STN1: variants seen among roughly 807,000 people sequenced by gnomAD.
The protein encoded by STN1 is CST complex subunit STN1.
STN1 carries 29 observed loss-of-function variants against 45.5 expected under a neutral mutation model. The ratio of observed to expected loss-of-function variants is 0.64; its 90% CI spans 0.47 to 0.87. The LOEUF (loss-of-function observed/expected upper bound fraction) is 0.87, where lower values mean the gene tolerates loss of function less well. Among genes scored for constraint, STN1 ranks in the 40% least tolerant of loss-of-function variants. STN1 has a pLI of 0.00. For missense variants in STN1, 376 were observed against 441.4 expected, an observed-to-expected ratio of 0.85 and a Z score of 1.33; for synonymous variants, 148 against 159.0, an observed-to-expected ratio of 0.93 and a Z score of 0.52.
At chr10:103,913,143 GTA>G (rs1213564834) in intron 2 of STN1, among the ~76,000 whole-genome samples, 1 of 152,216 alleles carries the variant, frequency 6.6e-6, no homozygotes, top group Non-Finnish European at 1.5e-5. Flanking sequence ...GGAACAAAAG[GTA>G]TTCTTCCTGG....
At chr10:103,904,112 A>G (rs550424336) in intron 4 of STN1, among the ~76,000 whole-genome samples, 9 of 152,330 alleles carry the variant, frequency 5.9e-5, no homozygotes, top group Admixed American at 2.6e-4. Context: ...AGATATTCTT[A>G]CCATACATAA....
rs541774448 is a variant in STN1 at position 103,881,376 on chromosome 10, G to T, written c.*1308C>A. On this transcript the variant is annotated 3_prime_UTR_variant, in exon 10 of 10. Transcript: ENST00000224950. ...CAGCTGCTGACCTCAAGGAAGAACT[G>T]CCCAGGACATCATTCCAGGCAGACT... 1.6e-4 allele frequency among the ~76,000 whole-genome samples: 24 copies of T among 152,272 alleles called. No individual in the cohort carries two copies. The highest frequency in any genetic ancestry group is 3.2e-4 in the Non-Finnish European group (22 of 68,016).
intron 4 of STN1, among the ~76,000 whole-genome samples, chr10:103,901,916 T>G (rs1589500417): frequency 6.6e-6 from 1 of 152,332 alleles, no homozygotes; most frequent in South Asian, 2.1e-4. Context: ...TACACCAGCT[T>G]CAGTCATTTG....
At chr10:103,901,509 G>C (rs1843210037) in intron 4 of STN1, among the ~76,000 whole-genome samples, 1 of 152,102 alleles carries the variant, frequency 6.6e-6, no homozygotes. Context: ...TGTAATCTTG[G>C]GCAGGCTGCT....
intron 2 of STN1, among the ~76,000 whole-genome samples, chr10:103,916,596 T>C (rs556885224): frequency 6.6e-6 from 1 of 152,348 alleles, no homozygotes; most frequent in Non-Finnish European, 1.5e-5. Flanking sequence ...TAGTTTGTTA[T>C]TCAGAAGGAC....
intron 7 of STN1, among the ~76,000 whole-genome samples, chr10:103,895,184 A>G (rs1344447847): frequency 2.6e-5 from 4 of 152,240 alleles, no homozygotes; most frequent in Non-Finnish European, 5.9e-5. Context: ...CAAAACAAAT[A>G]TAGTGCCATA....
At chr10:103,889,848 G>A (rs1186703781) in intron 8 of STN1, among the ~76,000 whole-genome samples, 2 of 152,012 alleles carry the variant, frequency 1.3e-5, no homozygotes, top group Admixed American at 6.5e-5. Context: ...GATTACAAGC[G>A]TGCACCACCA....
At chr10:103,886,876 T>C (rs947440087) in intron 9 of STN1, among the ~76,000 whole-genome samples, 1 of 152,238 alleles carries the variant, frequency 6.6e-6, no homozygotes, top group Non-Finnish European at 1.5e-5. Context: ...AAAGCCGGGA[T>C]TCAAACCTAG....
chr10:103,898,729 T>G, intron 6 of STN1, 148 bp downstream of exon 6: 2 of 750,492 alleles, frequency 2.7e-6, no homozygotes, highest in Non-Finnish European at 4.3e-6. Context: ...AATTGAAGCA[T>G]AGAGAGGGTT....
intron 3 of STN1, among the ~76,000 whole-genome samples, chr10:103,909,400 A>ATATATG (rs1554837213): frequency 8.6e-5 from 5 of 57,854 alleles, no homozygotes; most frequent in South Asian, 4.7e-4. Flanking sequence ...GTATATATGT[A>ATATATG]TATATATGTA....
At chr10:103,884,863 C>G (rs1843093249) in intron 9 of STN1, among the ~76,000 whole-genome samples, 1 of 152,196 alleles carries the variant, frequency 6.6e-6, no homozygotes, top group African/African-American at 2.4e-5. Context: ...ATTCTGACCT[C>G]TAGTGGCTGT....
chr10:103,883,864 C>T (rs1156718257), intron 9 of STN1, among the ~76,000 whole-genome samples: 1 of 151,908 alleles, frequency 6.6e-6, no homozygotes, highest in African/African-American at 2.4e-5. Flanking sequence ...CCGAGGTGGG[C>T]GGATCACCTG....
chr10:103,882,705 C>T lies in STN1; in HGVS notation c.1086G>A (p.Glu362=), dbSNP rs150399461. ...CTGCTCAGAACGCTGTGTAGTAGTG[C>T]TCCATTGTGCTGACAATGTCACTCT... ...EDQSDIVSTM[E]HYYTAF Residue 362 remains glutamate, a synonymous_variant, in exon 10 of 10, where the codon GAG becomes GAA. Transcript: ENST00000224950. 16 of 1,613,498 alleles carry T rather than the reference C, an allele frequency of 9.9e-6. No individual in the cohort carries two copies. The African/African-American group carries it at 1.5e-4, about 15-fold the overall frequency.
intron 2 of STN1, among the ~76,000 whole-genome samples, chr10:103,916,187 CT>C (rs1843330429): frequency 1.3e-5 from 2 of 152,196 alleles, no homozygotes; most frequent in South Asian, 4.1e-4. Flanking sequence ...TCAAAGATCA[CT>C]GGTCCTGTTT....
intron 3 of STN1, among the ~76,000 whole-genome samples, chr10:103,909,444 GTATATATGTATATATGTA>G (rs1843270750): frequency 4.0e-5 from 2 of 49,918 alleles, no homozygotes; most frequent in Admixed American, 2.8e-4. Context: ...GTATATATAT[GTATATATGTATATATGTA>G]TATATATGTA....
At position 103,882,640 on chromosome 10, in the gene STN1, G is replaced by C; in HGVS notation, c.*44C>G. On this transcript the variant is annotated 3_prime_UTR_variant, in exon 10 of 10. Transcript: ENST00000224950. ...TGAAAGTCAGAGCCTGGGGGTGAAT[G>C]CCACCTTATCTTTGTCCTCCTCAGC... 6.4e-7 allele frequency: 1 copy of C among 1,558,824 alleles called. No individual in the cohort carries two copies. The highest frequency in any genetic ancestry group is 8.7e-7 in the Non-Finnish European group (1 of 1,148,176).
intron 4 of STN1, among the ~76,000 whole-genome samples, chr10:103,901,402 T>C (rs116731002): frequency 6.6e-6 from 1 of 152,290 alleles, no homozygotes; most frequent in African/African-American, 2.4e-5. Context: ...TTTTTTTCAC[T>C]AGCACTGTAT....
intron 9 of STN1, among the ~76,000 whole-genome samples, chr10:103,883,185 T>C (rs1246625298): frequency 3.5e-4 from 53 of 152,200 alleles, no homozygotes; most frequent in Non-Finnish European, 5.9e-5. Flanking sequence ...TGTAACGTAT[T>C]CAGTGCCAAA....
chr10:103,902,959 CTCAG>C (rs1843218810), intron 4 of STN1, among the ~76,000 whole-genome samples: 1 of 152,178 alleles, frequency 6.6e-6, no homozygotes, highest in Non-Finnish European at 1.5e-5. Context: ...AAATCTGACT[CTCAG>C]TATTAATACC....
Sources: allele counts gnomAD v4.1 joint callset (sites outside exome capture counted in the v4.1 genomes callset), GRCh38; gene constraint gnomAD v4.1.1; transcripts MANE v1.5; gene names NCBI Gene and HGNC (gene_info 2026-07-23, HGNC 2026-07-21).